The following TBC1D8 variants were observed in gnomAD, a reference collection of about 807,000 sequenced individuals.
TBC1D8 encodes the protein BUB2-like protein 1.
Under a neutral mutation model 118.8 loss-of-function variants are expected in TBC1D8, and 65 were observed. That is an observed-to-expected ratio of 0.55 (90% CI 0.45 to 0.67). The LOEUF (loss-of-function observed/expected upper bound fraction) is 0.67, where lower values mean the gene tolerates loss of function less well. Ranked by LOEUF, TBC1D8 falls within the 30% of genes least tolerant of loss-of-function variation. The pLI is 0.00. For missense variants in TBC1D8, 1,376 were observed against 1,471.2 expected (o/e 0.94, Z 1.06); for synonymous variants, 566 against 595.8 (o/e 0.95, Z 0.73).
Position 101,028,608 on chromosome 2 carries a change from G to C in TBC1D8, c.2223-176C>G, listed in dbSNP as rs566966128. On this transcript the variant is annotated intron_variant, in intron 12 of 19. Coordinates refer to ENST00000409318, the MANE Select transcript of TBC1D8 (RefSeq NM_001330348.2). Reference sequence around the variant, plus strand: ...AAGCGAGAGGCAGTCATGAAGCCCGGCTTGTGGATTGGGCTCCACAGGTGG... The same window carrying C: ...AAGCGAGAGGCAGTCATGAAGCCCGCCTTGTGGATTGGGCTCCACAGGTGG... 6.1e-5 allele frequency: 56 copies of C among 918,650 alleles called. No homozygotes were observed. The African/African-American group carries it at 8.4e-4, about 14-fold the overall frequency. 56.9% of individuals were successfully genotyped at this position (918,650 alleles called of 1,614,324 possible).
chr2:101,144,093 A>T (rs1396042627), intron 1 of TBC1D8, among the ~76,000 whole-genome samples: 1 of 152,232 alleles, frequency 6.6e-6, no homozygotes, highest in Non-Finnish European at 1.5e-5. Context: ...TGACATCTAC[A>T]TGAAGTTTGT....
chr2:101,017,916 A>G, intron 17 of TBC1D8: 3 of 1,550,834 alleles, frequency 1.9e-6, no homozygotes, highest in Non-Finnish European at 2.6e-6. Context: ...GAAACCGAAC[A>G]AGAAGAGGAA....
At chr2:101,023,541 A>C (rs1680164660) in intron 15 of TBC1D8, 1 of 369,240 alleles carries the variant, frequency 2.7e-6, no homozygotes, top group Admixed American at 3.8e-5. Context: ...AGGGCCCCAG[A>C]GGTGGAAGTG....
intron 1 of TBC1D8, among the ~76,000 whole-genome samples, chr2:101,116,268 C>A (rs1194257286): frequency 6.6e-6 from 1 of 152,122 alleles, no homozygotes; most frequent in Non-Finnish European, 1.5e-5. Flanking sequence ...GGACTCCAGT[C>A]CAAGGAAGTC....
At chr2:101,098,799 G>C (rs966065004) in intron 1 of TBC1D8, among the ~76,000 whole-genome samples, 4 of 152,068 alleles carry the variant, frequency 2.6e-5, no homozygotes, top group African/African-American at 9.7e-5. Context: ...CAGAAATCAA[G>C]TTCTTTGAAA....
chr2:101,070,808 T>C (rs1474945784), intron 2 of TBC1D8, among the ~76,000 whole-genome samples: 1 of 152,192 alleles, frequency 6.6e-6, no homozygotes, highest in Admixed American at 6.5e-5. Flanking sequence ...CATTTCTGCC[T>C]TTATCATCCA....
chr2:101,043,403 A>T (rs1681504969), intron 5 of TBC1D8, among the ~76,000 whole-genome samples: 1 of 152,228 alleles, frequency 6.6e-6, no homozygotes, highest in South Asian at 2.1e-4. Context: ...TGTTAGCTTT[A>T]ACGAAAGTAA....
At chr2:101,017,992 C>T in intron 17 of TBC1D8, 1 of 1,468,844 alleles carries the variant, frequency 6.8e-7, no homozygotes, top group Non-Finnish European at 9.3e-7. Flanking sequence ...GGTTCCAATG[C>T]TCGCAATTCT....
intron 2 of TBC1D8, among the ~76,000 whole-genome samples, chr2:101,061,567 C>T (rs936628551): frequency 6.6e-6 from 1 of 152,172 alleles, no homozygotes; most frequent in African/African-American, 2.4e-5. Context: ...GGAGGGCCAG[C>T]CCAGGCTTCT....
chr2:101,139,719 G>A (rs1055472732), intron 1 of TBC1D8, among the ~76,000 whole-genome samples: 2 of 152,092 alleles, frequency 1.3e-5, no homozygotes, highest in Admixed American at 6.6e-5. Context: ...CTGCTCAGAC[G>A]GCTCTTTTCC....
At chr2:101,038,016 C>T (rs1318226410) in intron 7 of TBC1D8, among the ~76,000 whole-genome samples, 3 of 152,166 alleles carry the variant, frequency 2.0e-5, no homozygotes, top group African/African-American at 7.2e-5. Context: ...CCTGAGAAAG[C>T]AGCCCTGGGG....
At chr2:101,120,955 T>C (rs951238137) in intron 1 of TBC1D8, among the ~76,000 whole-genome samples, 3 of 152,204 alleles carry the variant, frequency 2.0e-5, no homozygotes, top group African/African-American at 4.8e-5. Flanking sequence ...TGTGTAGCAA[T>C]CATTACAGGG....
chr2:101,022,596 T>C, intron 15 of TBC1D8, 75 bp from the exon 16 acceptor site: 1 of 1,513,974 alleles, frequency 6.6e-7, no homozygotes, highest in Non-Finnish European at 8.7e-7. Context: ...ACAAATACAA[T>C]AATAAATTAC....
At chr2:101,093,400 T>C (rs1676176957) in intron 1 of TBC1D8, among the ~76,000 whole-genome samples, 1 of 152,118 alleles carries the variant, frequency 6.6e-6, no homozygotes, top group Non-Finnish European at 1.5e-5. Context: ...TGTTGACACA[T>C]TTACATGTAT....
At chr2:101,045,955 C>T (rs6754195) in intron 5 of TBC1D8, among the ~76,000 whole-genome samples, 19,030 of 151,996 alleles carry the variant, frequency 0.13, 1,324 homozygotes, top group Non-Finnish European at 0.15. Context: ...ATCACGCCAC[C>T]GCACTCCAGC....
chr2:101,018,075 A>G (rs1679784239), intron 17 of TBC1D8: 1 of 752,256 alleles, frequency 1.3e-6, no homozygotes, highest in Non-Finnish European at 2.1e-6. Flanking sequence ...AATCTAGGCT[A>G]ATGGGACTAG....
rs1366618392 is a variant in TBC1D8, at chr2:101,134,546, T to C, written c.127+16581A>G. ...TCAAGGGGCTAGCAAATGTGATGTCTAGTGAGGGTTCTCTTCTTGGCTTGC... is the reference window on the plus strand; with the variant it reads ...TCAAGGGGCTAGCAAATGTGATGTCCAGTGAGGGTTCTCTTCTTGGCTTGC... On this transcript the variant is annotated intron_variant, in intron 1 of 19. Coordinates refer to ENST00000409318, the MANE Select transcript of TBC1D8 (RefSeq NM_001330348.2). Among the ~76,000 whole-genome samples the C allele has an allele frequency of 2.0e-5, 3 of 152,162 alleles. No homozygotes were observed. In the East Asian group the frequency reaches 5.8e-4, roughly 29 times the overall value.
At chr2:101,029,846 A>G (rs1356654467) in intron 11 of TBC1D8, 70 bp from the exon 12 acceptor site, 3 of 1,501,978 alleles carry the variant, frequency 2.0e-6, no homozygotes, top group East Asian at 2.3e-5. Flanking sequence ...TGAAATTAAA[A>G]TCACTCTGAG....
chr2:101,123,994 G>C (rs1678240800), intron 1 of TBC1D8, among the ~76,000 whole-genome samples: 1 of 152,172 alleles, frequency 6.6e-6, no homozygotes, highest in Admixed American at 6.5e-5. Context: ...CATGGACTTG[G>C]TGCTTGGACT....
Sources: gnomAD v4.1 joint callset for allele counts (sites outside exome capture counted in the v4.1 genomes callset) on GRCh38, gnomAD v4.1.1 for gene constraint, MANE v1.5 for transcripts, NCBI Gene and HGNC (gene_info 2026-07-23, HGNC 2026-07-21) for gene names.